The following CDC73 variants were observed in gnomAD, a reference collection of about 807,000 sequenced individuals.
The protein encoded by CDC73 is parafibromin.
CDC73 carries 21 observed loss-of-function variants against 83.7 expected under a neutral mutation model. The ratio of observed to expected loss-of-function variants is 0.25; its 90% CI spans 0.18 to 0.36. The LOEUF (loss-of-function observed/expected upper bound fraction) is 0.36. Among genes scored for constraint, CDC73 ranks in the 10% least tolerant of loss-of-function variants. The probability of loss-of-function intolerance (pLI) is 1.00; values close to 1 mark genes in which losing one functional copy is unlikely to be tolerated. For missense variants in CDC73, 342 were observed against 653.3 expected (o/e 0.52, Z 5.19); for synonymous variants, 224 against 212.9 (o/e 1.05, Z -0.45).
chr1:193,205,096 G>T (rs1240705268), intron 11 of CDC73, among the ~76,000 whole-genome samples: 1 of 146,972 alleles, frequency 6.8e-6, no homozygotes, highest in African/African-American at 2.6e-5. Flanking sequence ...TACCAACCCT[G>T]TATTTATTTT....
At chr1:193,188,389 A>G in intron 10 of CDC73, among the ~76,000 whole-genome samples, 1 of 150,604 alleles carries the variant, frequency 6.6e-6, no homozygotes, top group Non-Finnish European at 1.5e-5. Context: ...TAGTACTATC[A>G]TTATTCTCTG....
At chr1:193,140,695 C>T (rs1027536100) in intron 6 of CDC73, among the ~76,000 whole-genome samples, 2 of 152,146 alleles carry the variant, frequency 1.3e-5, no homozygotes, top group Non-Finnish European at 2.9e-5. Flanking sequence ...AGGGATCATT[C>T]GTGTCCGGAT....
chr1:193,189,343 G>T (rs1177201613), intron 10 of CDC73, among the ~76,000 whole-genome samples: 1 of 152,158 alleles, frequency 6.6e-6, no homozygotes, highest in Non-Finnish European at 1.5e-5. Context: ...AGTTCCTTTA[G>T]TAACTTTTTG....
At chr1:193,231,281 CAGTT>C (rs1182210786) in intron 13 of CDC73, among the ~76,000 whole-genome samples, 2 of 152,104 alleles carry the variant, frequency 1.3e-5, no homozygotes, top group Non-Finnish European at 2.9e-5. Flanking sequence ...CAACTTAAAA[CAGTT>C]TAAATCCCAT....
intron 10 of CDC73, among the ~76,000 whole-genome samples, chr1:193,160,796 G>T (rs1444964814): frequency 1.3e-5 from 2 of 151,490 alleles, no homozygotes; most frequent in Non-Finnish European, 1.5e-5. Context: ...TAAATCAATT[G>T]GTTTATATGA....
chr1:193,175,936 G>A (rs1676595328), intron 10 of CDC73, among the ~76,000 whole-genome samples: 1 of 152,026 alleles, frequency 6.6e-6, no homozygotes, highest in South Asian at 2.1e-4. Context: ...CTTTCTCTCT[G>A]AAGTATATAG....
rs988984386 is a variant in CDC73 at position 193,250,688 on chromosome 1, G to A, written c.1572G>A (p.Lys524=). The A allele has an allele frequency of 1.9e-6, 3 of 1,608,398 alleles. No homozygotes were observed. Among genetic ancestry groups the A allele is most frequent in the East Asian group, 2.2e-5 (1 of 44,662 alleles). ...ATATTTTTTTCAGGTACATGGTAAAGCATAAATCGCACTTGAGATTCTGAA... is the reference window on the plus strand; with the variant it reads ...ATATTTTTTTCAGGTACATGGTAAAACATAAATCGCACTTGAGATTCTGAA... ...FWETLDRYMV[K]HKSHLRF is the part of the protein sequence containing the mutation. Residue 524 remains lysine, a synonymous_variant, in exon 17 of 17, where the codon AAG becomes AAA. Transcript: ENST00000367435.
chr1:193,135,278 A>G, intron 3 of CDC73, 113 bp from the exon 4 acceptor site: 15 of 839,886 alleles, frequency 1.8e-5, no homozygotes, highest in Non-Finnish European at 2.7e-5. Flanking sequence ...TTTTTTACCT[A>G]GAGAAAATCA....
chr1:193,191,552 T>C (rs953516631), intron 10 of CDC73, among the ~76,000 whole-genome samples: 74 of 152,072 alleles, frequency 4.9e-4, no homozygotes, highest in Non-Finnish European at 9.4e-4. Context: ...CACACTTGGC[T>C]AATTTTTGTA....
chr1:193,231,486 A>G (rs775167240), intron 13 of CDC73, among the ~76,000 whole-genome samples: 11 of 152,182 alleles, frequency 7.2e-5, no homozygotes, highest in African/African-American at 9.6e-5. Context: ...TTAGAATGCA[A>G]TTTCAAACAA....
At chr1:193,207,597 G>C (rs1471187247) in intron 11 of CDC73, among the ~76,000 whole-genome samples, 7 of 152,158 alleles carry the variant, frequency 4.6e-5, no homozygotes, top group Admixed American at 4.6e-4. Flanking sequence ...TCTCTTACTT[G>C]CATGCCCATT....
At chr1:193,213,054 A>C (rs906219222) in intron 13 of CDC73, among the ~76,000 whole-genome samples, 1 of 152,206 alleles carries the variant, frequency 6.6e-6, no homozygotes, top group Non-Finnish European at 1.5e-5. Flanking sequence ...TGGGCACAAA[A>C]TAAATCTCTT....
chr1:193,205,322 C>T (rs1202481853), intron 11 of CDC73, among the ~76,000 whole-genome samples: 1 of 149,230 alleles, frequency 6.7e-6, no homozygotes, highest in African/African-American at 2.5e-5. Context: ...TTCACAGTAT[C>T]AATAGTGCAG....
At chr1:193,209,816 C>T (rs557915819) in intron 11 of CDC73, among the ~76,000 whole-genome samples, 1 of 152,038 alleles carries the variant, frequency 6.6e-6, no homozygotes, top group African/African-American at 2.4e-5. Context: ...TTACCAAATC[C>T]AACAGTACTT....
chr1:193,247,639 A>G (rs1462970822), intron 15 of CDC73, among the ~76,000 whole-genome samples: 1 of 152,144 alleles, frequency 6.6e-6, no homozygotes, highest in East Asian at 1.9e-4. Flanking sequence ...TCTTCAGGGA[A>G]GTTAAAAGTG....
rs943857282 is a variant in CDC73, at chr1:193,252,365, A to G, written c.*1653A>G. 1.1e-4 allele frequency: 25 copies of G among 229,976 alleles called. No individual in the cohort carries two copies. Among genetic ancestry groups the G allele is most frequent in the Non-Finnish European group, 1.7e-4 (20 of 115,956 alleles). 14.2% of individuals were successfully genotyped at this position (229,976 alleles called of 1,614,324 possible). A position where few individuals can be genotyped will look rare whatever the true frequency, so the allele number is the denominator to read the frequency against. ...TTGTGTAAACTTTCTCCATGATGAA[A>G]TAGTCAAGGACCAGAATCTGTAATA... On this transcript the variant is annotated 3_prime_UTR_variant, in exon 17 of 17. Coordinates refer to ENST00000367435, the MANE Select transcript of CDC73 (RefSeq NM_024529.5).
chr1:193,162,514 A>G (rs1348255379), intron 10 of CDC73, among the ~76,000 whole-genome samples: 1 of 151,150 alleles, frequency 6.6e-6, no homozygotes, highest in African/African-American at 2.4e-5. Context: ...CTGAGACTAC[A>G]GGCGTGCACC....
intron 2 of CDC73, among the ~76,000 whole-genome samples, chr1:193,126,090 A>G (rs1004325710): frequency 5.9e-5 from 9 of 152,158 alleles, no homozygotes; most frequent in Admixed American, 2.0e-4. Flanking sequence ...GTGAGATGCC[A>G]TCTCAAGAAA....
intron 10 of CDC73, among the ~76,000 whole-genome samples, chr1:193,191,661 A>G (rs1012682569): frequency 6.6e-6 from 1 of 152,158 alleles, no homozygotes; most frequent in African/African-American, 2.4e-5. Context: ...GCGGGGGATT[A>G]TAGGCCTGAG....
Sources: gnomAD v4.1 joint callset for allele counts (sites outside exome capture counted in the v4.1 genomes callset) on GRCh38, gnomAD v4.1.1 for gene constraint, MANE v1.5 for transcripts, NCBI Gene and HGNC (gene_info 2026-07-23, HGNC 2026-07-21) for gene names.